The following ZNF705A variants were observed in gnomAD, a reference collection of about 807,000 sequenced individuals.
ZNF705A encodes zinc finger protein 705A.
A neutral mutation model predicts 16.6 loss-of-function variants in ZNF705A; 8 were observed. The ratio of observed to expected loss-of-function variants is 0.48; its 90% CI spans 0.28 to 0.87. ZNF705A has a LOEUF of 0.87. ZNF705A is among the 40% of genes least tolerant of loss of function. The pLI is 0.10. For missense variants in ZNF705A, 233 were observed against 359.9 expected, an observed-to-expected ratio of 0.65 and a Z score of 2.85; for synonymous variants, 73 against 117.3, an observed-to-expected ratio of 0.62 and a Z score of 2.44.
chr12:8,173,344 G>A (rs1312832224), intron 1 of ZNF705A, among the ~76,000 whole-genome samples: 4 of 152,036 alleles, frequency 2.6e-5, no homozygotes, highest in Non-Finnish European at 2.9e-5. Flanking sequence ...ATTTAATTAC[G>A]GTTGCACACT....
At chr12:8,165,006 TA>T (rs1048038348) in intron 1 of ZNF705A, among the ~76,000 whole-genome samples, 6 of 152,142 alleles carry the variant, frequency 3.9e-5, no homozygotes, top group African/African-American at 1.4e-4. Context: ...TAGTTTTATT[TA>T]AAAAAATTTT....
chr12:8,159,247 T>C (rs1388761848), intron 1 of ZNF705A, among the ~76,000 whole-genome samples: 1 of 152,216 alleles, frequency 6.6e-6, no homozygotes, highest in Non-Finnish European at 1.5e-5. Flanking sequence ...TCCATGACTT[T>C]GCAATTATGA....
chr12:8,160,397 G>T (rs775489724), intron 1 of ZNF705A, among the ~76,000 whole-genome samples: 23 of 152,148 alleles, frequency 1.5e-4, no homozygotes, highest in Admixed American at 1.0e-3. Flanking sequence ...TGTTGAATTT[G>T]TAGATTGCTT....
intron 1 of ZNF705A, among the ~76,000 whole-genome samples, chr12:8,165,950 A>G (rs138344492): frequency 2.0e-5 from 3 of 152,250 alleles, no homozygotes; most frequent in Non-Finnish European, 4.4e-5. Flanking sequence ...TGTCTTTGCT[A>G]TTGCAAATAA....
chr12:8,174,314 G>A lies in ZNF705A; in HGVS notation c.13-12G>A, dbSNP rs1020986350. On this transcript the variant is annotated splice_polypyrimidine_tract_variant and intron_variant, in intron 1 of 4. Transcript: ENST00000359286. ...TTTCTCTGTCTAAACTAAAATGTCT[G>A]TGATGTTTTAGAAGAAAGTGACTTT... 14 of 1,594,142 alleles carry A rather than the reference G, an allele frequency of 8.8e-6. No homozygotes were observed. The highest frequency in any genetic ancestry group is 1.1e-5 in the Non-Finnish European group (13 of 1,178,100).
intron 1 of ZNF705A, among the ~76,000 whole-genome samples, chr12:8,157,806 G>C (rs943120249): frequency 2.6e-5 from 4 of 152,124 alleles, no homozygotes; most frequent in Non-Finnish European, 5.9e-5. Flanking sequence ...AAGGGGCTGA[G>C]ACACAAATTA....
exon 5 of ZNF705A, chr12:8,179,254 T>C (rs1404589863): frequency 1.3e-5 from 2 of 152,162 alleles, no homozygotes. Flanking sequence ...CCTGAGTTAT[T>C]ACACAGAGAC....
At chr12:8,165,278 A>T (rs1204289775) in intron 1 of ZNF705A, among the ~76,000 whole-genome samples, 120 of 94,466 alleles carry the variant, frequency 1.3e-3, no homozygotes, top group African/African-American at 4.0e-3. Flanking sequence ...ATCTTTGCCC[A>T]TTTTTTTTTT....
chr12:8,177,235 T>C, exon 5 of ZNF705A: 1 of 1,611,632 alleles, frequency 6.2e-7, no homozygotes, highest in Non-Finnish European at 8.5e-7. Context: ...CTAATTGCTT[T>C]CGCCTTAGAC....
chr12:8,173,076 G>A (rs558365805), intron 1 of ZNF705A, among the ~76,000 whole-genome samples: 2 of 152,250 alleles, frequency 1.3e-5, no homozygotes, highest in Non-Finnish European at 2.9e-5. Context: ...CGATAGAGAT[G>A]AGCGAAGAGC....
At chr12:8,175,015 A>G (rs1280830367) in intron 2 of ZNF705A, among the ~76,000 whole-genome samples, 1 of 152,100 alleles carries the variant, frequency 6.6e-6, no homozygotes. Context: ...GACTGTTTTG[A>G]ATTTCCTTTT....
chr12:8,178,703 TA>T (rs1485853414), exon 5 of ZNF705A: 2 of 152,278 alleles, frequency 1.3e-5, no homozygotes, highest in African/African-American at 4.8e-5. Context: ...GAAATCTCAT[TA>T]AACTTTTCCA....
upstream of ZNF705A, among the ~76,000 whole-genome samples, chr12:8,168,246 A>G (rs10840913): frequency 0.54 from 82,537 of 151,936 alleles, 22,615 homozygotes; most frequent in Non-Finnish European, 0.57. Context: ...CCTCTCTCTG[A>G]TGCTGCCTAA....
chr12:8,177,101 A>C, exon 5 of ZNF705A: 1 of 1,611,998 alleles, frequency 6.2e-7, no homozygotes, highest in Non-Finnish European at 8.5e-7. Context: ...TCACAGTGGA[A>C]AGAAACCCTA....
chr12:8,163,874 C>G (rs1484488626), intron 1 of ZNF705A, among the ~76,000 whole-genome samples: 2 of 152,146 alleles, frequency 1.3e-5, no homozygotes, highest in Non-Finnish European at 2.9e-5. Context: ...ATCTACCCCT[C>G]CTTTTAAGTT....
intron 1 of ZNF705A, among the ~76,000 whole-genome samples, chr12:8,163,600 T>A (rs1193968637): frequency 6.6e-6 from 1 of 152,224 alleles, no homozygotes; most frequent in Non-Finnish European, 1.5e-5. Flanking sequence ...GAGCATATGT[T>A]CTCTATATGT....
chr12:8,172,577 C>G (rs1948453738), exon 1 of ZNF705A: 11 of 1,595,948 alleles, frequency 6.9e-6, no homozygotes, highest in Non-Finnish European at 9.3e-6. Flanking sequence ...CCTAAAGTGT[C>G]TGCACATGGA....
chr12:8,172,816 C>T (rs1948455593), intron 1 of ZNF705A, among the ~76,000 whole-genome samples, 179 bp downstream of exon 2: 1 of 152,136 alleles, frequency 6.6e-6, no homozygotes. Context: ...AGGTATCTGG[C>T]CTCCAATTAA....
intron 3 of ZNF705A, among the ~76,000 whole-genome samples, 163 bp from the exon 5 acceptor site, chr12:8,175,697 G>A (rs185347614): frequency 2.6e-5 from 4 of 151,902 alleles, no homozygotes; most frequent in East Asian, 3.9e-4. Context: ...TCTAATTGCC[G>A]ACACTGTACA....
Sources: allele counts gnomAD v4.1 joint callset (sites outside exome capture counted in the v4.1 genomes callset), GRCh38; gene constraint gnomAD v4.1.1; transcripts MANE v1.5; gene names NCBI Gene and HGNC (gene_info 2026-07-23, HGNC 2026-07-21).